Variants in ADAR observed in about 807,000 individuals in gnomAD.
ADAR encodes adenosine deaminase RNA specific, also known as double-stranded RNA-specific adenosine deaminase.
A neutral mutation model predicts 113.2 loss-of-function variants in ADAR; 41 were observed. The ratio of observed to expected loss-of-function variants is 0.36; its 90% CI spans 0.28 to 0.47. The LOEUF (loss-of-function observed/expected upper bound fraction) is 0.47. ADAR is among the 20% of genes least tolerant of loss of function. The pLI, the probability that ADAR is intolerant of heterozygous loss-of-function variation, is 1.00. For synonymous variants in ADAR, 605 were observed against 572.6 expected (o/e 1.06, Z -0.81); for missense variants, 1,242 against 1,540.9 (o/e 0.81, Z 3.25).
chr1:154,610,364 T>C (rs1304288093), upstream of ADAR, among the ~76,000 whole-genome samples: 1 of 152,062 alleles, frequency 6.6e-6, no homozygotes, highest in East Asian at 1.9e-4. Flanking sequence ...TGGAATACAA[T>C]ACAGCAACAA....
exon 1 of ADAR, chr1:154,627,883 C>G (rs759781529): frequency 5.8e-6 from 3 of 518,236 alleles, no homozygotes; most frequent in Non-Finnish European, 1.2e-5. Context: ...GGGACACGGC[C>G]GGACACCCGG....
chr1:154,596,763 C>A (rs773593096), intron 6 of ADAR, 42 bp downstream of exon 6: 20 of 1,609,242 alleles, frequency 1.2e-5, no homozygotes, highest in Non-Finnish European at 1.6e-5. Flanking sequence ...CAGACCATCC[C>A]CAACTGGTGA....
chr1:154,596,657 T>G (rs1332704134), intron 6 of ADAR, 148 bp downstream of exon 6: 2 of 836,406 alleles, frequency 2.4e-6, no homozygotes, highest in Non-Finnish European at 3.9e-6. Flanking sequence ...GTCTATTGTC[T>G]TCTAAGAGGC....
chr1:154,605,031 C>T lies in ADAR; in HGVS notation c.16-2405G>A, dbSNP rs141441257. Among the ~76,000 whole-genome samples the T allele has an allele frequency of 4.6e-5, 7 of 152,368 alleles. No homozygotes were observed. The East Asian group carries it at 1.3e-3, about 29-fold the overall frequency. On this transcript the variant is annotated intron_variant, in intron 1 of 14. Coordinates refer to ENST00000368474, the MANE Select transcript of ADAR (RefSeq NM_001111.5). ...TCTTATTGCTAATGGCATCACTCTC[C>T]TCCTAGCCTATTAAGGCTAGAAACC... is the stretch of plus-strand genomic sequence containing the variant.
exon 1 of ADAR, chr1:154,627,913 G>GGCCCGCCCCCCCCCCCCCCCCC: frequency 1.9e-6 from 1 of 517,176 alleles, no homozygotes; most frequent in Non-Finnish European, 3.9e-6. Flanking sequence ...GTGCGGCCGC[G>GGCCCGCCCCCCCCCCCCCCCCC]ACCCTCCCCC....
chr1:154,598,576 G>A lies in ADAR; in HGVS notation c.1611C>T (p.Phe537=). Reference sequence around the variant, plus strand: ...ACTCTCGGCCATTGATGACAACCTGGAATTTAAATCTTGACGGAAAGTGAT... The same window carrying A: ...ACTCTCGGCCATTGATGACAACCTGAAATTTAAATCTTGACGGAAAGTGAT... ...SGPPHEPRFK[F]QVVINGREFP... is the part of the protein sequence containing the mutation. The change falls in exon 3 of 15, where the codon TTC becomes TTT. Residue 537 remains phenylalanine, a synonymous_variant. Transcript: ENST00000368474. The A allele has an allele frequency of 6.2e-7, 1 of 1,614,178 alleles. No individual in the cohort carries two copies. The highest frequency in any genetic ancestry group is 8.5e-7 in the Non-Finnish European group (1 of 1,180,028).
chr1:154,597,987 TGA>T lies in ADAR; in HGVS notation c.1786-13_1786-12del, dbSNP rs2101624408. ...CTGGGACTCTGCAGTCTAGAGAAAA[TGA>T]GAGACAAGAAGAAAACAAAACTAAG... On this transcript the variant is annotated splice_polypyrimidine_tract_variant and intron_variant, in intron 3 of 14. Coordinates refer to ENST00000368474, the MANE Select transcript of ADAR (RefSeq NM_001111.5). The T allele has an allele frequency of 6.2e-7, 1 of 1,612,548 alleles. No homozygotes were observed. Among genetic ancestry groups the T allele is most frequent in the Non-Finnish European group, 8.5e-7 (1 of 1,179,394 alleles).
At chr1:154,591,233 C>T (rs1177341396) in intron 6 of ADAR, among the ~76,000 whole-genome samples, 1 of 146,690 alleles carries the variant, frequency 6.8e-6, no homozygotes, top group Non-Finnish European at 1.5e-5. Context: ...GAAATGCTAG[C>T]ACCAACTTGG....
Position 154,600,892 on chromosome 1 carries a change from C to A in ADAR, c.1601+149G>T, listed in dbSNP as rs1697825197. The A allele has an allele frequency of 2.7e-6, 3 of 1,110,012 alleles. No homozygotes were observed. The African/African-American group carries it at 4.6e-5, about 17-fold the overall frequency. 68.8% of individuals were successfully genotyped at this position (1,110,012 alleles called of 1,614,324 possible). A position where few individuals can be genotyped will look rare whatever the true frequency, so the allele number is the denominator to read the frequency against. ...CCTGCTCAATATCTGGAGAAAGGGC[C>A]AATCAAGGGGAATTTAGCTAAAAGG... is the stretch of plus-strand genomic sequence containing the variant. On this transcript the variant is annotated intron_variant, in intron 2 of 14. Transcript: ENST00000368474.
At chr1:154,590,709 C>A (rs577133519) in intron 6 of ADAR, among the ~76,000 whole-genome samples, 1 of 151,746 alleles carries the variant, frequency 6.6e-6, no homozygotes, top group East Asian at 1.9e-4. Flanking sequence ...GGTGGGAGAT[C>A]ACTTGAGGCC....
chr1:154,620,959 T>G (rs1184348203), intron 1 of ADAR, among the ~76,000 whole-genome samples: 1 of 152,212 alleles, frequency 6.6e-6, no homozygotes, highest in Non-Finnish European at 1.5e-5. Flanking sequence ...GAAAAGCTGT[T>G]GCCAAGCACG....
intron 6 of ADAR, among the ~76,000 whole-genome samples, chr1:154,591,140 T>A (rs1697119883): frequency 6.6e-6 from 1 of 152,186 alleles, no homozygotes; most frequent in Non-Finnish European, 1.5e-5. Context: ...GTTATAAAAT[T>A]CTGACTAGAT....
At chr1:154,627,913 G>GGCCCCCCCCC in exon 1 of ADAR, 1 of 517,172 alleles carries the variant, frequency 1.9e-6, no homozygotes, top group Non-Finnish European at 3.9e-6. Context: ...GTGCGGCCGC[G>GGCCCCCCCCC]ACCCTCCCCC....
At position 154,619,750 on chromosome 1, in the gene ADAR, G is replaced by A. The variant is rs139128479; in HGVS notation, c.-871+8105C>T. On this transcript the variant is annotated intron_variant, in intron 1 of 14. Transcript: ENST00000368471. ...TGTAATAAAACCACAATGGGATGCC[G>A]CTTCACAGCTACAGAATGGCTAAAA... Among the ~76,000 whole-genome samples the A allele has an allele frequency of 2.4e-3, 361 of 152,256 alleles. 3 individuals carry two copies. The highest frequency in any genetic ancestry group is 8.5e-3 in the African/African-American group (352 of 41,520).
intron 1 of ADAR, among the ~76,000 whole-genome samples, chr1:154,617,953 G>C (rs1698681228): frequency 6.6e-6 from 1 of 151,586 alleles, no homozygotes; most frequent in Admixed American, 6.6e-5. Flanking sequence ...AGGATCAACT[G>C]AAAAACTCTT....
In ADAR at chr1:154,602,274, A is replaced by C; in HGVS notation, c.368T>G (p.Val123Gly). The C allele has an allele frequency of 1.2e-6, 2 of 1,614,120 alleles. No homozygotes were observed. The highest frequency in any genetic ancestry group is 1.7e-6 in the Non-Finnish European group (2 of 1,180,006). The change falls in exon 2 of 15, where the codon GTT (valine) becomes GGT (glycine). Residue 123 changes from valine (V) to glycine (G), a missense_variant. This residue lies in a region of ADAR where 462 missense variants were observed against 483.1 expected (regional missense o/e 0.96). Transcript: ENST00000368474. Reference sequence around the variant, plus strand: ...CTGGAAATGTGAGGAAAGGCAATCAACACCTCTCTGTGGCAGACTCCTGCC... The same window carrying C: ...CTGGAAATGTGAGGAAAGGCAATCACCACCTCTCTGTGGCAGACTCCTGCC... The part of the protein sequence containing the change: ...PRGRSLPQRG[V>G]DCLSSHFQEL...
At chr1:154,616,001 A>G (rs1397156573) in intron 1 of ADAR, among the ~76,000 whole-genome samples, 1 of 152,162 alleles carries the variant, frequency 6.6e-6, no homozygotes, top group Non-Finnish European at 1.5e-5. Flanking sequence ...AGCTTGTGTG[A>G]TCTCTGAAAA....
chr1:154,621,931 T>C (rs1270833837), intron 1 of ADAR, among the ~76,000 whole-genome samples: 1 of 152,218 alleles, frequency 6.6e-6, no homozygotes, highest in Non-Finnish European at 1.5e-5. Context: ...TTTTTTGTTG[T>C]TGTCAAAAGA....
chr1:154,602,704 C>T, intron 1 of ADAR, 78 bp from the exon 2 acceptor site: 1 of 1,560,846 alleles, frequency 6.4e-7, no homozygotes, highest in Non-Finnish European at 8.7e-7. Context: ...CCCTTTGCTG[C>T]CTGTGGAACA....
Sources: allele counts gnomAD v4.1 joint callset (sites outside exome capture counted in the v4.1 genomes callset), GRCh38; gene constraint gnomAD v4.1.1; regional missense constraint gnomAD v4.1.1; transcripts MANE v1.5; gene names NCBI Gene and HGNC (gene_info 2026-07-23, HGNC 2026-07-21).